The following MYO16 variants were observed in gnomAD, a reference collection of about 807,000 sequenced individuals.
MYO16 encodes the protein myosin XVI, also known as unconventional myosin-XVI.
In MYO16, 94 loss-of-function variants were observed where a neutral mutation model predicts 205.3. The observed-to-expected ratio is 0.46, with a 90% CI of 0.39 to 0.54. The LOEUF (loss-of-function observed/expected upper bound fraction) is 0.54, where lower values mean the gene tolerates loss of function less well. Ranked by LOEUF, MYO16 falls within the 20% of genes least tolerant of loss-of-function variation. MYO16 has a pLI of 0.00. For synonymous variants in MYO16, 988 were observed against 954.0 expected, an observed-to-expected ratio of 1.04 and a Z score of -0.66; for missense variants, 2,315 against 2,387.5, an observed-to-expected ratio of 0.97 and a Z score of 0.63.
intron 15 of MYO16, among the ~76,000 whole-genome samples, chr13:108,904,246 T>C (rs1880854438): frequency 6.6e-6 from 1 of 152,196 alleles, no homozygotes; most frequent in Admixed American, 6.5e-5. Flanking sequence ...CCTGATCTGA[T>C]TATTTATTTT....
At position 108,938,553 on chromosome 13, in the gene MYO16, C is replaced by T. The variant is rs532252184; in HGVS notation, c.1926-19135C>T. Among the ~76,000 whole-genome samples the T allele has an allele frequency of 2.8e-4, 43 of 152,332 alleles. 1 individual carries two copies. The highest frequency in any genetic ancestry group is 5.7e-4 in the Non-Finnish European group (39 of 68,030). On this transcript the variant is annotated intron_variant, in intron 16 of 34. Coordinates refer to ENST00000457511, the MANE Select transcript of MYO16 (RefSeq NM_001198950.3). ...AACCACCTAGCCCCCAAGTTCTCTG[C>T]AGAGAGATGTGGGGGTGGCCTAACC... is the stretch of plus-strand genomic sequence containing the variant.
At chr13:108,838,383 G>A (rs1024901516) in intron 9 of MYO16, among the ~76,000 whole-genome samples, 98 of 151,764 alleles carry the variant, frequency 6.5e-4, no homozygotes, top group Non-Finnish European at 1.1e-3. Flanking sequence ...GGCCATGAAC[G>A]GTGGCTTACG....
At chr13:108,935,664 A>T (rs1882445541) in intron 16 of MYO16, among the ~76,000 whole-genome samples, 1 of 152,156 alleles carries the variant, frequency 6.6e-6, no homozygotes, top group South Asian at 2.1e-4. Flanking sequence ...GTCCTAGTGA[A>T]TAGAAGTGTT....
chr13:109,206,900 A>G lies in MYO16; in HGVS notation c.*64A>G, dbSNP rs1880621849. The G allele has an allele frequency of 1.8e-5, 27 of 1,466,946 alleles. No homozygotes were observed. In the South Asian group the frequency reaches 3.0e-4, roughly 16 times the overall value. 90.9% of individuals were successfully genotyped at this position (1,466,946 alleles called of 1,614,324 possible). On this transcript the variant is annotated 3_prime_UTR_variant, in exon 35 of 35. Transcript: ENST00000457511. ...ACTGATTCCGGGCTGCAACAACAGA[A>G]GGCTGCCTTCTGACATGCGCTGGGG...
At chr13:109,073,786 G>A (rs1888001851) in intron 27 of MYO16, among the ~76,000 whole-genome samples, 2 of 152,166 alleles carry the variant, frequency 1.3e-5, no homozygotes, top group South Asian at 4.1e-4. Flanking sequence ...CCAGAATGTA[G>A]CACTTATCCA....
chr13:108,711,644 A>G (rs190494926), intron 2 of MYO16, among the ~76,000 whole-genome samples: 2 of 152,298 alleles, frequency 1.3e-5, no homozygotes, highest in African/African-American at 4.8e-5. Context: ...ATGCAGTGAG[A>G]TTTGGGGAAG....
At chr13:108,747,289 G>A (rs7988236) in intron 4 of MYO16, among the ~76,000 whole-genome samples, 6 of 149,430 alleles carry the variant, frequency 4.0e-5, no homozygotes, top group South Asian at 2.1e-4. Flanking sequence ...TTTCTTATTC[G>A]AAATTCATCT....
chr13:108,633,965 T>C (rs555204697), intron 1 of MYO16, among the ~76,000 whole-genome samples: 1 of 152,248 alleles, frequency 6.6e-6, no homozygotes, highest in South Asian at 2.1e-4. Context: ...CTTCACTCCT[T>C]GCCCTCACCT....
intron 27 of MYO16, among the ~76,000 whole-genome samples, chr13:109,079,833 C>T (rs571695905): frequency 6.6e-6 from 1 of 151,488 alleles, no homozygotes; most frequent in East Asian, 1.9e-4. Context: ...TTATGGAGAA[C>T]TTTCTGCAAT....
chr13:108,775,466 A>C lies in MYO16; in HGVS notation c.508-10169A>C, dbSNP rs867021080. Among the ~76,000 whole-genome samples the C allele has an allele frequency of 3.3e-5, 5 of 152,326 alleles. No homozygotes were observed. The South Asian group carries it at 6.2e-4, about 19-fold the overall frequency. On this transcript the variant is annotated intron_variant, in intron 4 of 34. Coordinates refer to ENST00000457511, the MANE Select transcript of MYO16 (RefSeq NM_001198950.3). ...TGAATCTGATTGTTTTCATTTCACA[A>C]AATTTAGTAGATAGATTTGCTATGC...
At chr13:109,184,793 G>A (rs958476895) in intron 34 of MYO16, among the ~76,000 whole-genome samples, 3 of 151,830 alleles carry the variant, frequency 2.0e-5, no homozygotes, top group African/African-American at 7.3e-5. Flanking sequence ...GAAATGGATG[G>A]AGCCTCACTC....
At chr13:108,950,502 T>C (rs1389671013) in intron 16 of MYO16, among the ~76,000 whole-genome samples, 1 of 152,102 alleles carries the variant, frequency 6.6e-6, no homozygotes, top group Non-Finnish European at 1.5e-5. Flanking sequence ...TACCACCACA[T>C]ACCTATCAGA....
intron 16 of MYO16, among the ~76,000 whole-genome samples, chr13:108,942,571 G>A (rs546474711): frequency 4.6e-5 from 7 of 152,166 alleles, no homozygotes; most frequent in African/African-American, 1.7e-4. Flanking sequence ...CATTGATATT[G>A]TGCATATCAC....
chr13:108,543,972 GA>G, the MYO16 span, among the ~76,000 whole-genome samples: 2 of 140,008 alleles, frequency 1.4e-5, no homozygotes, highest in East Asian at 4.4e-4. Flanking sequence ...GGCTGAGGCA[GA>G]AGAATCGCTT....
At chr13:109,146,012 G>A (rs1006888147) in intron 32 of MYO16, among the ~76,000 whole-genome samples, 1 of 152,142 alleles carries the variant, frequency 6.6e-6, no homozygotes, top group African/African-American at 2.4e-5. Flanking sequence ...GTTATAAACA[G>A]GTACTAAAAA....
chr13:108,888,572 G>T (rs1247896803), intron 14 of MYO16, 95 bp downstream of exon 14: 136 of 680,248 alleles, frequency 2.0e-4, no homozygotes, highest in Non-Finnish European at 6.9e-6. Flanking sequence ...ATAGATACAA[G>T]GGGGTTCAAA....
chr13:108,770,006 G>A (rs1885910042), intron 4 of MYO16, among the ~76,000 whole-genome samples: 1 of 152,074 alleles, frequency 6.6e-6, no homozygotes, highest in Non-Finnish European at 1.5e-5. Context: ...AAATCAATGT[G>A]TAAAAATAAA....
the MYO16 span, among the ~76,000 whole-genome samples, chr13:108,527,645 T>C: frequency 1.3e-4 from 20 of 152,338 alleles, no homozygotes; most frequent in African/African-American, 4.1e-4. Flanking sequence ...AGTGATCATT[T>C]TGTATACAGC....
At chr13:108,501,362 C>T in the MYO16 span, among the ~76,000 whole-genome samples, 2,977 of 152,248 alleles carry the variant, frequency 0.02, 86 homozygotes, top group African/African-American at 0.063. Context: ...CACCTGTTAT[C>T]GTATCTCTCC....
Sources: allele counts gnomAD v4.1 joint callset (sites outside exome capture counted in the v4.1 genomes callset), GRCh38; gene constraint gnomAD v4.1.1; transcripts MANE v1.5; gene names NCBI Gene and HGNC (gene_info 2026-07-23, HGNC 2026-07-21).